The following AGBL4 variants were observed in gnomAD, a reference collection of about 807,000 sequenced individuals.
AGBL4 encodes the protein AGBL carboxypeptidase 4.
AGBL4 carries 58 observed loss-of-function variants against 66.4 expected under a neutral mutation model. The observed-to-expected ratio is 0.87, with a 90% CI of 0.71 to 1.09. The LOEUF (loss-of-function observed/expected upper bound fraction) is 1.09. Among genes scored for constraint, AGBL4 ranks in the 50% least tolerant of loss-of-function variants. AGBL4 has a pLI of 0.00. For missense variants in AGBL4, 579 were observed against 631.0 expected (o/e 0.92, Z 0.88); for synonymous variants, 234 against 222.9 (o/e 1.05, Z -0.44).
intron 3 of AGBL4, among the ~76,000 whole-genome samples, chr1:49,541,913 G>C (rs1346636533): frequency 6.6e-6 from 1 of 151,788 alleles, no homozygotes; most frequent in Non-Finnish European, 1.5e-5. Context: ...AATCTGGTGG[G>C]GACTTGGAGA....
intron 6 of AGBL4, among the ~76,000 whole-genome samples, chr1:48,819,301 T>G (rs764736582): frequency 1.3e-5 from 2 of 152,190 alleles, no homozygotes; most frequent in South Asian, 2.1e-4. Flanking sequence ...GCTAAAATGC[T>G]GGGTGCATGA....
intron 4 of AGBL4, among the ~76,000 whole-genome samples, chr1:49,181,707 C>T (rs1243829882): frequency 6.6e-6 from 1 of 152,190 alleles, no homozygotes; most frequent in Non-Finnish European, 1.5e-5. Context: ...TTCTTCACTT[C>T]CTCAGAATAA....
At chr1:49,911,604 T>C (rs767900043) in intron 1 of AGBL4, among the ~76,000 whole-genome samples, 2 of 152,128 alleles carry the variant, frequency 1.3e-5, no homozygotes, top group Non-Finnish European at 2.9e-5. Flanking sequence ...AGGCAGGATT[T>C]TGTGAAACCC....
intron 5 of AGBL4, among the ~76,000 whole-genome samples, chr1:48,913,501 C>G (rs1351560015): frequency 6.6e-6 from 1 of 152,172 alleles, no homozygotes; most frequent in Non-Finnish European, 1.5e-5. Flanking sequence ...GTCAGATCAA[C>G]AGCAGCCTTA....
At chr1:49,277,396 T>A (rs1325569831) in intron 3 of AGBL4, among the ~76,000 whole-genome samples, 1 of 152,170 alleles carries the variant, frequency 6.6e-6, no homozygotes, top group Non-Finnish European at 1.5e-5. Context: ...ATGTTACAAA[T>A]CAATTTCAGT....
chr1:49,733,209 A>C (rs1284200899), intron 2 of AGBL4, among the ~76,000 whole-genome samples: 1 of 152,162 alleles, frequency 6.6e-6, no homozygotes, highest in Non-Finnish European at 1.5e-5. Context: ...AAAAAGAAGG[A>C]AAAGTAGAGA....
rs1049472330 is a variant in AGBL4, at chr1:49,038,587, G to A, written c.594+6997C>T. On this transcript the variant is annotated intron_variant, in intron 5 of 13. Coordinates refer to ENST00000371839, the MANE Select transcript of AGBL4 (RefSeq NM_032785.4). ...AAGAAGATATACAAATGGAAAATAA[G>A]CATATGAGAAGATGCTTTACATCAT... Among the ~76,000 whole-genome samples the A allele has an allele frequency of 2.6e-5, 4 of 152,196 alleles. No individual in the cohort carries two copies. In the South Asian group the frequency reaches 8.3e-4, roughly 32 times the overall value.
intron 5 of AGBL4, among the ~76,000 whole-genome samples, chr1:48,949,253 A>G (rs560910936): frequency 5.9e-5 from 9 of 152,348 alleles, no homozygotes; most frequent in Admixed American, 5.2e-4. Context: ...AGGGGTGCAC[A>G]GTGGGCACAA....
chr1:49,723,471 T>C (rs1648764588), intron 2 of AGBL4, among the ~76,000 whole-genome samples: 2 of 152,100 alleles, frequency 1.3e-5, no homozygotes, highest in Non-Finnish European at 1.5e-5. Context: ...TCTAGATATC[T>C]GTACAACTTT....
intron 4 of AGBL4, among the ~76,000 whole-genome samples, chr1:49,074,470 G>T (rs569016891): frequency 1.3e-5 from 2 of 152,262 alleles, no homozygotes; most frequent in East Asian, 3.9e-4. Context: ...CCTGTCTTCT[G>T]CATCAATCTC....
At chr1:48,703,551 C>T (rs140381806) in intron 6 of AGBL4, among the ~76,000 whole-genome samples, 87 of 152,182 alleles carry the variant, frequency 5.7e-4, no homozygotes, top group African/African-American at 2.0e-3. Context: ...GGAAAAAGGA[C>T]TTTCAGATAC....
At chr1:48,644,582 G>A (rs1409874702) in intron 8 of AGBL4, among the ~76,000 whole-genome samples, 1 of 152,160 alleles carries the variant, frequency 6.6e-6, no homozygotes, top group Non-Finnish European at 1.5e-5. Context: ...ACAGTTAAAA[G>A]GCTTCTCAAG....
At chr1:48,960,454 C>T (rs1482217853) in intron 5 of AGBL4, among the ~76,000 whole-genome samples, 1 of 152,054 alleles carries the variant, frequency 6.6e-6, no homozygotes, top group Non-Finnish European at 1.5e-5. Context: ...ATTTAGGAGT[C>T]ATCAGCTAAC....
chr1:49,418,529 G>T (rs1645477123), intron 3 of AGBL4, among the ~76,000 whole-genome samples: 1 of 152,312 alleles, frequency 6.6e-6, no homozygotes, highest in East Asian at 1.9e-4. Context: ...AAAAGAACAT[G>T]TAACAACAAC....
intron 1 of AGBL4, among the ~76,000 whole-genome samples, chr1:50,011,149 T>G (rs1661500872): frequency 6.6e-6 from 1 of 152,122 alleles, no homozygotes; most frequent in South Asian, 2.1e-4. Flanking sequence ...TTAAAGAGAT[T>G]AATAACAAGA....
chr1:49,642,146 CT>C (rs2124409811), intron 3 of AGBL4, among the ~76,000 whole-genome samples: 1 of 151,864 alleles, frequency 6.6e-6, no homozygotes, highest in South Asian at 2.1e-4. Flanking sequence ...ATAAATACTT[CT>C]TAAAGGAAAA....
At chr1:49,111,402 G>C (rs952827501) in intron 4 of AGBL4, among the ~76,000 whole-genome samples, 1 of 152,168 alleles carries the variant, frequency 6.6e-6, no homozygotes, top group Admixed American at 6.5e-5. Context: ...ATGAGCCACC[G>C]CACCTGGCCC....
chr1:49,826,783 G>C (rs1030834011), intron 2 of AGBL4, among the ~76,000 whole-genome samples: 2 of 152,154 alleles, frequency 1.3e-5, no homozygotes, highest in Non-Finnish European at 2.9e-5. Context: ...GCTAGCCATT[G>C]TAAGAAAAGA....
chr1:49,432,196 C>T (rs1271090415), intron 3 of AGBL4, among the ~76,000 whole-genome samples: 2 of 152,166 alleles, frequency 1.3e-5, no homozygotes, highest in Non-Finnish European at 2.9e-5. Context: ...AGAGGAAGGT[C>T]TTCAGGACTC....
Sources: gnomAD v4.1 joint callset for allele counts (sites outside exome capture counted in the v4.1 genomes callset) on GRCh38, gnomAD v4.1.1 for gene constraint, MANE v1.5 for transcripts, NCBI Gene and HGNC (gene_info 2026-07-23, HGNC 2026-07-21) for gene names.